MYLK: variants seen among roughly 807,000 people sequenced by gnomAD.
MYLK encodes the protein myosin light chain kinase.
In MYLK, 106 loss-of-function variants were observed where a neutral mutation model predicts 203.4. The ratio of observed to expected loss-of-function variants is 0.52; its 90% CI spans 0.45 to 0.61. The LOEUF is 0.61. Ranked by LOEUF, MYLK falls within the 20% of genes least tolerant of loss-of-function variation. The probability of loss-of-function intolerance (pLI) is 0.00; values close to 1 mark genes in which losing one functional copy is unlikely to be tolerated. For synonymous variants in MYLK, 867 were observed against 959.5 expected, an observed-to-expected ratio of 0.90 and a Z score of 1.78; for missense variants, 2,072 against 2,442.3, an observed-to-expected ratio of 0.85 and a Z score of 3.20.
chr3:123,798,392 C>T (rs914795648), intron 3 of MYLK, among the ~76,000 whole-genome samples: 2 of 152,056 alleles, frequency 1.3e-5, no homozygotes, highest in Non-Finnish European at 2.9e-5. Flanking sequence ...CATGTGCCTC[C>T]CCCTTCTGCT....
chr3:123,663,973 GT>G (rs2059651428), intron 23 of MYLK, 131 bp downstream of exon 23: 2 of 1,335,484 alleles, frequency 1.5e-6, no homozygotes, highest in South Asian at 2.4e-5. Flanking sequence ...TCTTTCTGTG[GT>G]GCCTTATAAA....
In MYLK at chr3:123,732,995, A is replaced by G. The variant is rs2062538485; in HGVS notation, c.1417T>C (p.Cys473Arg). The stretch of plus-strand genomic sequence containing the variant: ...TCCCTGGTCCGGGCTTTCAGCAGGC[A>G]GAGGTAATGGGAGCCAGCATCTTCA... ...VYEDAGSHYL[C>R]LLKARTRDSG... Residue 473 changes from cysteine (C) to arginine (R), a missense_variant, in exon 11 of 34, where the codon TGC becomes CGC. Cys to Arg is a radical substitution (Grantham distance 180). Around this residue, in one of 3 missense-constraint regions of MYLK, gnomAD observed 683 missense variants for 643.8 expected, o/e 1.06. Coordinates refer to ENST00000360304, the MANE Select transcript of MYLK (RefSeq NM_053025.4). 6.2e-7 allele frequency: 1 copy of G among 1,614,204 alleles called. No homozygotes were observed. Among genetic ancestry groups the G allele is most frequent in the Non-Finnish European group, 8.5e-7 (1 of 1,180,028 alleles).
At chr3:123,704,805 A>C (rs2061394633) in intron 16 of MYLK, among the ~76,000 whole-genome samples, 1 of 151,630 alleles carries the variant, frequency 6.6e-6, no homozygotes, top group Non-Finnish European at 1.5e-5. Context: ...CTGTAGTCCC[A>C]GCTACTCAGG....
At chr3:123,687,417 C>T (rs938253032) in intron 19 of MYLK, among the ~76,000 whole-genome samples, 2 of 152,090 alleles carry the variant, frequency 1.3e-5, no homozygotes, top group Non-Finnish European at 2.9e-5. Context: ...TTAGGGTGAC[C>T]TTGAGCAGGT....
At chr3:123,772,312 A>C (rs1384012354) in intron 4 of MYLK, among the ~76,000 whole-genome samples, 3 of 152,146 alleles carry the variant, frequency 2.0e-5, no homozygotes, top group African/African-American at 2.4e-5. Flanking sequence ...ATGCTAAAAC[A>C]AACTCTATAC....
At chr3:123,847,114 A>G (rs2030115152) in intron 2 of MYLK, among the ~76,000 whole-genome samples, 1 of 152,212 alleles carries the variant, frequency 6.6e-6, no homozygotes, top group Non-Finnish European at 1.5e-5. Context: ...ATACAAATAA[A>G]AAATACAGTA....
rs975419250 is a variant in MYLK at position 123,696,324 on chromosome 3, T to A, written c.3449-3473A>T. On this transcript the variant is annotated intron_variant, in intron 18 of 33. Coordinates refer to ENST00000360304, the MANE Select transcript of MYLK (RefSeq NM_053025.4). ...AAAGGTGGGTGACAACAGGAAGGCA[T>A]CCTGGAGGAAGTGAATCTTGTTTGT... is the stretch of plus-strand genomic sequence containing the variant. Among the ~76,000 whole-genome samples the A allele has an allele frequency of 4.6e-5, 7 of 152,056 alleles. 1 individual carries two copies. The highest frequency in any genetic ancestry group is 1.7e-4 in the African/African-American group (7 of 41,404).
chr3:123,864,425 C>A (rs749404075), intron 2 of MYLK, among the ~76,000 whole-genome samples: 2 of 152,144 alleles, frequency 1.3e-5, no homozygotes, highest in Non-Finnish European at 2.9e-5. Context: ...GGGGAATGTA[C>A]AATTTCCTAA....
At position 123,738,992 on chromosome 3, in the gene MYLK, T is replaced by C; in HGVS notation, c.493A>G (p.Thr165Ala). 1 of 1,613,774 alleles carries C rather than the reference T, an allele frequency of 6.2e-7. No individual in the cohort carries two copies. The highest frequency in any genetic ancestry group is 8.5e-7 in the Non-Finnish European group (1 of 1,179,890). ...IWGECPPKFA[T>A]KLGRVVVKEG... ...TTGACCACAACTCGGCCCAGCTTGG[T>C]AGCAAACTTTGGTGGGCACTCCCCC... Residue 165 changes from threonine to alanine, a missense_variant, in exon 7 of 34, where the codon ACC (threonine) becomes GCC (alanine). This residue lies in a region of MYLK where 683 missense variants were observed against 643.8 expected (regional missense o/e 1.06). Transcript: ENST00000360304.
chr3:123,722,373 T>C, intron 12 of MYLK, 93 bp from the exon 13 acceptor site: 1 of 1,090,026 alleles, frequency 9.2e-7, no homozygotes, highest in South Asian at 1.4e-5. Flanking sequence ...GTCATGACGC[T>C]GAGACTTGTC....
chr3:123,775,973 C>T (rs1280840562), intron 4 of MYLK, among the ~76,000 whole-genome samples: 1 of 152,180 alleles, frequency 6.6e-6, no homozygotes, highest in Admixed American at 6.5e-5. Flanking sequence ...CTAGGATGAA[C>T]AGGCCTGATC....
rs1318927739 is a variant in MYLK, at chr3:123,734,195, G to A, written c.801C>T (p.Thr267=). 1.9e-6 allele frequency: 3 copies of A among 1,547,158 alleles called. No individual in the cohort carries two copies. The highest frequency in any genetic ancestry group is 8.6e-7 in the Non-Finnish European group (1 of 1,156,466). The change falls in exon 10 of 34, where the codon ACC becomes ACT. Residue 267 remains threonine, a synonymous_variant. Transcript: ENST00000360304. The part of the protein sequence containing the change: ...NRSFVRETKA[T]NSDVRKEVTN... ...TCACCTCTTTCCTGACATCTGAATT[G>A]GTGGCTTTTGTTTCTCTCACAAATG...
At chr3:123,787,754 A>C (rs532399604) in intron 4 of MYLK, among the ~76,000 whole-genome samples, 14 of 152,334 alleles carry the variant, frequency 9.2e-5, no homozygotes, top group African/African-American at 3.4e-4. Flanking sequence ...AAAATGATTA[A>C]GATTGTAAGC....
At chr3:123,740,388 T>C (rs2062821242) in intron 5 of MYLK, among the ~76,000 whole-genome samples, 1 of 152,156 alleles carries the variant, frequency 6.6e-6, no homozygotes, top group Non-Finnish European at 1.5e-5. Context: ...TTGGGGATTA[T>C]TTGGGGGTGA....
At chr3:123,615,802 C>A (rs1559961323) in intron 33 of MYLK, among the ~76,000 whole-genome samples, 1 of 151,656 alleles carries the variant, frequency 6.6e-6, no homozygotes, top group East Asian at 1.9e-4. Context: ...GTACACACCA[C>A]CACACCCAGC....
At chr3:123,709,164 G>A (rs1211782301) in intron 14 of MYLK, 88 of 261,376 alleles carry the variant, frequency 3.4e-4, no homozygotes, top group Non-Finnish European at 4.9e-4. Flanking sequence ...TTTTGAGACA[G>A]AGTCTTTGCT....
chr3:123,752,453 C>A lies in MYLK; in HGVS notation c.251G>T (p.Gly84Val). The change falls in exon 5 of 34, where the codon GGC becomes GTC. Residue 84 changes from glycine to valine, a missense_variant. By Grantham distance (109) the Gly-to-Val change is moderately radical. This residue lies in a region of MYLK where 683 missense variants were observed against 643.8 expected (regional missense o/e 1.06). Transcript: ENST00000360304. ...TSGGRFLLDCGIRGTFSLVIH... is the reference protein window; with the variant it reads ...TSGGRFLLDCVIRGTFSLVIH... ...CACAAGGCTGAAAGTCCCCCGGATG[C>A]CGCAATCCAGCAGGAAGCGGCCCCC... is the stretch of plus-strand genomic sequence containing the variant. 6.2e-7 allele frequency: 1 copy of A among 1,614,180 alleles called. No individual in the cohort carries two copies. Among genetic ancestry groups the A allele is most frequent in the Non-Finnish European group, 8.5e-7 (1 of 1,180,030 alleles).
chr3:123,770,264 C>A (rs1489227570), intron 4 of MYLK, among the ~76,000 whole-genome samples: 1 of 152,030 alleles, frequency 6.6e-6, no homozygotes, highest in Non-Finnish European at 1.5e-5. Flanking sequence ...GCAGAGGTTG[C>A]AGTGAGCTGA....
At chr3:123,854,092 G>T (rs1378804116) in intron 2 of MYLK, among the ~76,000 whole-genome samples, 1 of 150,598 alleles carries the variant, frequency 6.6e-6, no homozygotes, top group Non-Finnish European at 1.5e-5. Context: ...GGATCAGACA[G>T]TCAACTTCCA....
Sources: allele counts gnomAD v4.1 joint callset (sites outside exome capture counted in the v4.1 genomes callset), GRCh38; gene constraint gnomAD v4.1.1; regional missense constraint gnomAD v4.1.1; transcripts MANE v1.5; gene names NCBI Gene and HGNC (gene_info 2026-07-23, HGNC 2026-07-21).